Variants in EPHA6 observed in about 807,000 individuals in gnomAD.
EPHA6 encodes the protein EPH receptor A6.
Under a neutral mutation model 112.0 loss-of-function variants are expected in EPHA6, and 50 were observed. The observed-to-expected ratio is 0.45, with a 90% CI of 0.36 to 0.56. The LOEUF (loss-of-function observed/expected upper bound fraction) is 0.56. EPHA6 is among the 20% of genes least tolerant of loss of function. The pLI, the probability that EPHA6 is intolerant of heterozygous loss-of-function variation, is 0.00. For synonymous variants in EPHA6, 529 were observed against 490.7 expected, an observed-to-expected ratio of 1.08 and a Z score of -1.03; for missense variants, 1,280 against 1,417.4, an observed-to-expected ratio of 0.90 and a Z score of 1.56.
At chr3:97,395,059 G>A (rs2086621845) in intron 5 of EPHA6, among the ~76,000 whole-genome samples, 1 of 151,344 alleles carries the variant, frequency 6.6e-6, no homozygotes, top group Non-Finnish European at 1.5e-5. Flanking sequence ...ATATTTCAGG[G>A]CTGTTACTCA....
intron 11 of EPHA6, among the ~76,000 whole-genome samples, chr3:97,578,250 G>A (rs928916508): frequency 1.3e-5 from 2 of 151,998 alleles, no homozygotes; most frequent in African/African-American, 4.8e-5. Context: ...ACAGCTAGTA[G>A]GATAGCTTCG....
intron 13 of EPHA6, among the ~76,000 whole-genome samples, chr3:97,629,893 A>C (rs908270416): frequency 6.6e-6 from 1 of 151,992 alleles, no homozygotes; most frequent in African/African-American, 2.4e-5. Flanking sequence ...CCCTACCCCA[A>C]ATAATAACTT....
intron 2 of EPHA6, among the ~76,000 whole-genome samples, chr3:96,875,748 CAT>C (rs1303684565): frequency 3.3e-5 from 5 of 152,070 alleles, no homozygotes; most frequent in African/African-American, 1.2e-4. Context: ...CACACACACA[CAT>C]ACACAAACAC....
At chr3:97,659,903 C>T (rs1430315274) in intron 14 of EPHA6, among the ~76,000 whole-genome samples, 5 of 152,000 alleles carry the variant, frequency 3.3e-5, no homozygotes, top group African/African-American at 1.2e-4. Flanking sequence ...ACCACCATTA[C>T]AGTTTATTTA....
intron 12 of EPHA6, among the ~76,000 whole-genome samples, chr3:97,608,292 A>C (rs1440937506): frequency 6.6e-6 from 1 of 151,384 alleles, no homozygotes; most frequent in Middle Eastern, 3.4e-3. Context: ...TATCTCCCAA[A>C]GAGTTATAGG....
At chr3:96,982,689 A>G (rs1186507090) in intron 2 of EPHA6, among the ~76,000 whole-genome samples, 16 of 152,266 alleles carry the variant, frequency 1.1e-4, no homozygotes, top group Non-Finnish European at 4.4e-5. Context: ...TGTGGGGTCT[A>G]AGTATCTTTG....
chr3:97,070,464 C>T (rs1263769756), intron 3 of EPHA6, among the ~76,000 whole-genome samples: 2 of 152,114 alleles, frequency 1.3e-5, no homozygotes, highest in Non-Finnish European at 2.9e-5. Flanking sequence ...ATAGCACTCA[C>T]ATTCTCTGAA....
intron 13 of EPHA6, among the ~76,000 whole-genome samples, chr3:97,632,599 C>A (rs1378745973): frequency 6.6e-6 from 1 of 151,890 alleles, no homozygotes; most frequent in African/African-American, 2.4e-5. Context: ...CAGCAAGGGC[C>A]TCCTGGAAGA....
At chr3:96,927,544 G>A (rs2107646808) in intron 2 of EPHA6, among the ~76,000 whole-genome samples, 1 of 152,242 alleles carries the variant, frequency 6.6e-6, no homozygotes. Flanking sequence ...CTTATCTCTA[G>A]GGTGGGGGCA....
At chr3:97,337,793 G>A (rs1287009952) in intron 5 of EPHA6, among the ~76,000 whole-genome samples, 1 of 152,016 alleles carries the variant, frequency 6.6e-6, no homozygotes, top group African/African-American at 2.4e-5. Context: ...TAAAATTCAA[G>A]GGTTTCATTG....
chr3:97,570,728 C>CA (rs771203142), intron 11 of EPHA6, among the ~76,000 whole-genome samples: 2,427 of 132,006 alleles, frequency 0.018, 73 homozygotes, highest in African/African-American at 0.061. Context: ...GACTCTGTTT[C>CA]AAAAAAAAAA....
At chr3:97,466,512 G>A in intron 7 of EPHA6, 1 of 990,538 alleles carries the variant, frequency 1.0e-6, no homozygotes, top group Non-Finnish European at 1.6e-6. Context: ...GGTAGTGTGA[G>A]GGTCGGGCCA....
At chr3:97,569,189 G>C (rs897272950) in intron 11 of EPHA6, among the ~76,000 whole-genome samples, 1 of 152,118 alleles carries the variant, frequency 6.6e-6, no homozygotes, top group Non-Finnish European at 1.5e-5. Flanking sequence ...GCACTGTGTT[G>C]CTATTATTAT....
At chr3:97,320,990 A>G (rs936154575) in intron 5 of EPHA6, among the ~76,000 whole-genome samples, 4 of 151,934 alleles carry the variant, frequency 2.6e-5, no homozygotes, top group Non-Finnish European at 5.9e-5. Context: ...TTATGAAACT[A>G]TTGACCTTAC....
At chr3:96,904,391 G>A (rs1194630586) in intron 2 of EPHA6, among the ~76,000 whole-genome samples, 1 of 147,266 alleles carries the variant, frequency 6.8e-6, no homozygotes, top group African/African-American at 2.5e-5. Flanking sequence ...GTCACTCATA[G>A]GTGGGAATTG....
intron 14 of EPHA6, among the ~76,000 whole-genome samples, chr3:97,685,762 G>T (rs557001278): frequency 6.6e-6 from 1 of 152,286 alleles, no homozygotes; most frequent in East Asian, 1.9e-4. Flanking sequence ...ACATATATTT[G>T]TAAACGGCGA....
intron 5 of EPHA6, among the ~76,000 whole-genome samples, chr3:97,257,755 A>C (rs1258704569): frequency 6.6e-6 from 1 of 152,058 alleles, no homozygotes; most frequent in Non-Finnish European, 1.5e-5. Context: ...GAAGGGTATA[A>C]ATATCCTAAA....
intron 10 of EPHA6, among the ~76,000 whole-genome samples, chr3:97,501,266 T>C (rs2092109651): frequency 6.6e-6 from 1 of 152,110 alleles, no homozygotes; most frequent in South Asian, 2.1e-4. Flanking sequence ...ATCTGATGAA[T>C]ATATAGAGAT....
Position 97,532,355 on chromosome 3 carries a change from A to G in EPHA6, c.2201-3A>G. ...AAATAACTGCTTTTGTTCATATTTT[A>G]AGGTGAATTTGGAGAAGTCTGTAGT... On this transcript the variant is annotated splice_region_variant and splice_polypyrimidine_tract_variant and intron_variant, in intron 10 of 17. Transcript: ENST00000389672. The G allele has an allele frequency of 6.3e-7, 1 of 1,594,470 alleles. No homozygotes were observed. The highest frequency in any genetic ancestry group is 1.8e-5 in the Admixed American group (1 of 55,326).
Sources: gnomAD v4.1 joint callset for allele counts (sites outside exome capture counted in the v4.1 genomes callset) on GRCh38, gnomAD v4.1.1 for gene constraint, MANE v1.5 for transcripts, NCBI Gene and HGNC (gene_info 2026-07-23, HGNC 2026-07-21) for gene names.